The following CSPG4 variants were observed in gnomAD, a reference collection of about 807,000 sequenced individuals.
CSPG4 encodes the protein chondroitin sulfate proteoglycan 4 (melanoma-associated).
In CSPG4, 74 loss-of-function variants were observed where a neutral mutation model predicts 139.3. The ratio of observed to expected loss-of-function variants is 0.53; its 90% CI spans 0.44 to 0.64. The LOEUF is 0.64. CSPG4 is among the 30% of genes least tolerant of loss of function. The pLI is 0.00. For missense variants in CSPG4, 2,565 were observed against 3,148.3 expected (o/e 0.81, Z 4.43); for synonymous variants, 1,234 against 1,394.2 (o/e 0.89, Z 2.56).
intron 1 of CSPG4, among the ~76,000 whole-genome samples, chr15:75,708,878 C>T (rs1365578994): frequency 6.6e-6 from 1 of 152,180 alleles, no homozygotes; most frequent in Non-Finnish European, 1.5e-5. Flanking sequence ...AATAATTACC[C>T]TGGTGTGGTG....
chr15:75,704,551 AG>A (rs747413925), intron 1 of CSPG4, among the ~76,000 whole-genome samples: 24 of 152,156 alleles, frequency 1.6e-4, no homozygotes, highest in Non-Finnish European at 2.6e-4. Context: ...GGCCCTGTCC[AG>A]GGGTCTGTGG....
At position 75,696,504 on chromosome 15, in the gene CSPG4, TTGTG is replaced by T. The variant is rs1422691856; in HGVS notation, c.89-3275_89-3272del. Among the ~76,000 whole-genome samples the T allele has an allele frequency of 6.6e-6, 1 of 151,752 alleles. No homozygotes were observed. The highest frequency in any genetic ancestry group is 1.5e-5 in the Non-Finnish European group (1 of 67,898). ...TTTGGGTTTGCGTAAGGCTGTGTGT[TTGTG>T]TGTGTGTGCGCGTGTGTGGGCCGGG... is the stretch of plus-strand genomic sequence containing the variant. On this transcript the variant is annotated intron_variant, in intron 1 of 9. Coordinates refer to ENST00000308508, the MANE Select transcript of CSPG4 (RefSeq NM_001897.5). This position sits in a 1 kb window ranked among gnomAD's most constrained non-coding sequence, Gnocchi z 4.2.
chr15:75,697,222 C>G (rs553753280), intron 1 of CSPG4, among the ~76,000 whole-genome samples: 112 of 152,354 alleles, frequency 7.4e-4, no homozygotes, highest in Admixed American at 2.1e-3. Flanking sequence ...CCGGCCATCC[C>G]TGCTGCCAGG....
In CSPG4 at chr15:75,690,287, G is replaced by A; in HGVS notation, c.778C>T (p.Leu260=). 6.2e-7 allele frequency: 1 copy of A among 1,613,140 alleles called. No individual in the cohort carries two copies. Among genetic ancestry groups the A allele is most frequent in the Non-Finnish European group, 8.5e-7 (1 of 1,179,808 alleles). Residue 260 remains leucine (L), a synonymous_variant, in exon 3 of 10, where the codon CTG becomes TTG. Transcript: ENST00000308508. ...FIYVDIFEGH[L]RAVVEKGQGT... ...TGGCCCTTCTCCACCACGGCCCGCA[G>A]GTGGCCCTCAAATATGTCCACATAG...
rs545688154 is a variant in CSPG4 at position 75,675,720 on chromosome 15, C to T, written c.6799G>A (p.Gly2267Ser). The change falls in exon 10 of 10, where the codon GGC becomes AGC. Residue 2267 changes from glycine to serine, a missense_variant. By Grantham distance (56) the Gly-to-Ser change is moderately conservative. Coordinates refer to ENST00000308508, the MANE Select transcript of CSPG4 (RefSeq NM_001897.5). ...AAGGTCTCGGTGTCACCAGCCAGGC[C>T]GTTGCGGGGCTTGGCAGTCAGGACC... ...VQVLTAKPRN[G>S]LAGDTETFRK... is the part of the protein sequence containing the mutation. 9 of 1,589,584 alleles carry T rather than the reference C, an allele frequency of 5.7e-6. No individual in the cohort carries two copies. Among genetic ancestry groups the T allele is most frequent in the Admixed American group, 5.1e-5 (3 of 58,514 alleles).
At chr15:75,678,883 C>T (rs1226218798) in intron 8 of CSPG4, 1 of 427,810 alleles carries the variant, frequency 2.3e-6, no homozygotes, top group South Asian at 1.7e-5. Flanking sequence ...CTTAACTGCT[C>T]AGTGGCACTG....
intron 1 of CSPG4, among the ~76,000 whole-genome samples, chr15:75,705,969 CTATGTCTGTGTGTGCCTGTGTGCG>C (rs1453143813): frequency 6.6e-6 from 1 of 151,162 alleles, no homozygotes; most frequent in African/African-American, 2.5e-5. Flanking sequence ...CTGTGTGTAT[CTATGTCTGTGTGTGCCTGTGTGCG>C]TATGTCTGTG....
Position 75,688,684 on chromosome 15 carries a change from G to A in CSPG4, c.2381C>T (p.Thr794Ile), listed in dbSNP as rs775814104. Residue 794 changes from threonine to isoleucine, a missense_variant, in exon 3 of 10, where the codon ACT (threonine) becomes ATT (isoleucine). Coordinates refer to ENST00000308508, the MANE Select transcript of CSPG4 (RefSeq NM_001897.5). The part of the protein sequence containing the change: ...VWMLRLEPLH[T>I]QNTQQETLTT... ...GAGGGTCTCCTGCTGGGTGTTCTGA[G>A]TGTGCAGTGGCTCCAGCCGCAGCAT... 1.9e-6 allele frequency: 3 copies of A among 1,611,446 alleles called. No individual in the cohort carries two copies. The African/African-American group carries it at 4.0e-5, about 22-fold the overall frequency.
intron 1 of CSPG4, among the ~76,000 whole-genome samples, chr15:75,695,879 T>C (rs1385362211): frequency 6.6e-6 from 1 of 152,090 alleles, no homozygotes; most frequent in Non-Finnish European, 1.5e-5. Context: ...GGAGGGTTTC[T>C]GCTCCATCAC....
chr15:75,702,570 G>C (rs1894319637), intron 1 of CSPG4, among the ~76,000 whole-genome samples: 1 of 152,172 alleles, frequency 6.6e-6, no homozygotes, highest in Non-Finnish European at 1.5e-5. Flanking sequence ...GGGAGGGGCT[G>C]CCTCTGGGAG....
chr15:75,674,724 G>A lies in CSPG4; in HGVS notation c.*826C>T, dbSNP rs113358016. The A allele has an allele frequency of 5.8e-4, 231 of 398,712 alleles. 1 individual carries two copies. Among genetic ancestry groups the A allele is most frequent in the African/African-American group, 4.4e-3 (214 of 48,724 alleles). The allele number at this position is 398,712 out of a possible 1,614,324, so 24.7% of individuals were successfully genotyped here. A position where few individuals can be genotyped will look rare whatever the true frequency, so the allele number is the denominator to read the frequency against. On this transcript the variant is annotated 3_prime_UTR_variant, in exon 10 of 10. Coordinates refer to ENST00000308508, the MANE Select transcript of CSPG4 (RefSeq NM_001897.5). Reference sequence around the variant, plus strand: ...GGGGCACTGGCACCGCAGTGGCCTCGGCCTGAGACCCTCGATGAGCCCCAG... The same window carrying A: ...GGGGCACTGGCACCGCAGTGGCCTCAGCCTGAGACCCTCGATGAGCCCCAG...
At chr15:75,701,568 G>A (rs1413346455) in intron 1 of CSPG4, among the ~76,000 whole-genome samples, 2 of 152,132 alleles carry the variant, frequency 1.3e-5, no homozygotes, top group Non-Finnish European at 2.9e-5. Context: ...CAACTGCCTG[G>A]AAGCCTGCAG....
In CSPG4 at chr15:75,692,182, C is replaced by A. The variant is rs57267837; in HGVS notation, c.252+888G>T. On this transcript the variant is annotated intron_variant, in intron 2 of 9. Transcript: ENST00000308508. ...TATTTTTATTAGAGACACGGTTTCA[C>A]CATGTTGGCCAGGCTGGTCTCGAAC... 7.6e-3 allele frequency among the ~76,000 whole-genome samples: 1,150 copies of A among 152,278 alleles called. 15 individuals are homozygous for A. The highest frequency in any genetic ancestry group is 0.026 in the African/African-American group (1,077 of 41,540).
rs144239750 is a variant in CSPG4, at chr15:75,687,786, G to T, written c.3279C>A (p.Phe1093Leu). The T allele has an allele frequency of 3.1e-6, 5 of 1,612,794 alleles. No individual in the cohort carries two copies. Among genetic ancestry groups the T allele is most frequent in the Non-Finnish European group, 4.2e-6 (5 of 1,180,006 alleles). The change falls in exon 3 of 10, where the codon TTC (phenylalanine) becomes TTA (leucine). Residue 1093 changes from phenylalanine to leucine, a missense_variant. By Grantham distance (22) the Phe-to-Leu change is conservative. Around this residue, in one of 5 missense-constraint regions of CSPG4, gnomAD observed 2,316 missense variants for 2,818.2 expected, o/e 0.82. Coordinates refer to ENST00000308508, the MANE Select transcript of CSPG4 (RefSeq NM_001897.5). This position sits in a 1 kb window ranked among gnomAD's most constrained non-coding sequence, Gnocchi z 5.4. Reference protein sequence around the residue: ...QEDLRKRRVLFVHSGADRGWI... With the variant: ...QEDLRKRRVLLVHSGADRGWI... ...AGCCACGGTCAGCCCCTGAGTGCAC[G>T]AACAGTACTCGCCTCTTCCTGAGGT... is the stretch of plus-strand genomic sequence containing the variant.
chr15:75,694,533 G>C (rs1016704561), intron 1 of CSPG4, among the ~76,000 whole-genome samples: 4 of 152,222 alleles, frequency 2.6e-5, no homozygotes, highest in Non-Finnish European at 5.9e-5. Context: ...CCATGTGCTG[G>C]TCCCTGGCCA....
chr15:75,676,124 C>G lies in CSPG4; in HGVS notation c.6395G>C (p.Gly2132Ala). The change falls in exon 10 of 10, where the codon GGG (glycine) becomes GCG (alanine). Residue 2132 changes from glycine to alanine, a missense_variant. Coordinates refer to ENST00000308508, the MANE Select transcript of CSPG4 (RefSeq NM_001897.5). ...RLGLEVGRPE[G>A]RAPGPAGDSL... is the part of the protein sequence containing the mutation. ...GTCACCTGCGGGGCCGGGGGCCCTC[C>G]CCTCTGGCCTGCCCACCTCCAGCCC... The G allele has an allele frequency of 1.3e-6, 2 of 1,538,782 alleles. No individual in the cohort carries two copies. The highest frequency in any genetic ancestry group is 1.7e-6 in the Non-Finnish European group (2 of 1,147,384).
intron 1 of CSPG4, among the ~76,000 whole-genome samples, chr15:75,710,191 C>T (rs1268045407): frequency 1.3e-5 from 2 of 152,220 alleles, no homozygotes; most frequent in Admixed American, 1.3e-4. Context: ...CCCACTTCAA[C>T]CCCTCACATT....
In CSPG4 at chr15:75,689,205, C is replaced by T; in HGVS notation, c.1860G>A (p.Glu620=). 6.2e-7 allele frequency: 1 copy of T among 1,608,350 alleles called. No homozygotes were observed. The highest frequency in any genetic ancestry group is 8.5e-7 in the Non-Finnish European group (1 of 1,178,426). Reference sequence around the variant, plus strand: ...CATAGACTAGGCTGCCGGCCTCCAACTCCCGGCAGGAGAACTCGGTCGCCG... The same window carrying T: ...CATAGACTAGGCTGCCGGCCTCCAATTCCCGGCAGGAGAACTCGGTCGCCG... ...GEPATEFSCR[E]LEAGSLVYVH... Residue 620 remains glutamate (E), a synonymous_variant, in exon 3 of 10, where the codon GAG becomes GAA. Transcript: ENST00000308508.
intron 1 of CSPG4, among the ~76,000 whole-genome samples, chr15:75,711,581 G>C (rs1175651133): frequency 6.6e-6 from 1 of 152,274 alleles, no homozygotes; most frequent in African/African-American, 2.4e-5. Flanking sequence ...GTCCTCCCTT[G>C]ACTCACTTCC....
Sources: allele counts gnomAD v4.1 joint callset (sites outside exome capture counted in the v4.1 genomes callset), GRCh38; gene constraint gnomAD v4.1.1; regional missense constraint gnomAD v4.1.1; non-coding constraint Gnocchi (gnomAD v3.1); transcripts MANE v1.5; gene names NCBI Gene and HGNC (gene_info 2026-07-23, HGNC 2026-07-21).